The following PDE4B variants were observed in gnomAD, a reference collection of about 807,000 sequenced individuals.
PDE4B encodes the protein phosphodiesterase 4B.
In PDE4B, 20 loss-of-function variants were observed where a neutral mutation model predicts 82.2. That is an observed-to-expected ratio of 0.24 (90% CI 0.17 to 0.35). The LOEUF is 0.35. Ranked by LOEUF, PDE4B falls within the 10% of genes least tolerant of loss-of-function variation. PDE4B has a pLI of 1.00. For synonymous variants in PDE4B, 320 were observed against 318.9 expected (o/e 1.00, Z -0.04); for missense variants, 655 against 907.2 (o/e 0.72, Z 3.57).
chr1:66,031,294 T>C (rs1447839245), intron 3 of PDE4B, among the ~76,000 whole-genome samples: 2 of 152,174 alleles, frequency 1.3e-5, no homozygotes, highest in Non-Finnish European at 2.9e-5. Flanking sequence ...ATATTCTTTC[T>C]TTTTATTCTC....
chr1:65,996,491 GAA>G (rs923031384), intron 3 of PDE4B, among the ~76,000 whole-genome samples: 1 of 151,606 alleles, frequency 6.6e-6, no homozygotes, highest in African/African-American at 2.4e-5. Flanking sequence ...AGCAAGAAGA[GAA>G]AAAAAATCTG....
chr1:66,060,431 C>T (rs1301041849), intron 3 of PDE4B, among the ~76,000 whole-genome samples: 1 of 152,046 alleles, frequency 6.6e-6, no homozygotes, highest in African/African-American at 2.4e-5. Context: ...ATGTGCTTTC[C>T]AATGTGGTAG....
chr1:65,829,168 A>G (rs971430088), intron 1 of PDE4B, among the ~76,000 whole-genome samples: 1 of 152,214 alleles, frequency 6.6e-6, no homozygotes, highest in African/African-American at 2.4e-5. Context: ...GGATAACTAT[A>G]TTAACTTTAA....
At chr1:66,183,220 C>T (rs524897) in intron 3 of PDE4B, among the ~76,000 whole-genome samples, 34,700 of 152,008 alleles carry the variant, frequency 0.23, 4,014 homozygotes, top group African/African-American at 0.26. Flanking sequence ...AGTAGAATTA[C>T]AGTGTTTTCC....
chr1:65,954,086 G>A lies in PDE4B; in HGVS notation c.281+35251G>A, dbSNP rs1394746808. Among the ~76,000 whole-genome samples the A allele has an allele frequency of 3.3e-5, 5 of 152,024 alleles. No individual in the cohort carries two copies. In the East Asian group the frequency reaches 7.8e-4, roughly 24 times the overall value. On this transcript the variant is annotated intron_variant, in intron 3 of 16. Coordinates refer to ENST00000341517, the MANE Select transcript of PDE4B (RefSeq NM_002600.4). ...TTATTTTTGTATTTTTAGTAGATAC[G>A]GGGTTTCATCATGTTGGCCAGGCTG...
At chr1:65,821,566 A>G (rs1172965005) in intron 1 of PDE4B, among the ~76,000 whole-genome samples, 1 of 152,172 alleles carries the variant, frequency 6.6e-6, no homozygotes, top group Non-Finnish European at 1.5e-5. Context: ...TGCTTTATCC[A>G]GTTACTTGTG....
intron 3 of PDE4B, among the ~76,000 whole-genome samples, chr1:65,941,828 A>C (rs1055856647): frequency 2.0e-5 from 3 of 152,044 alleles, no homozygotes; most frequent in African/African-American, 7.2e-5. Flanking sequence ...CATCATGCAC[A>C]ATAGATCTCT....
chr1:66,201,503 T>A (rs941270535), intron 3 of PDE4B, among the ~76,000 whole-genome samples: 22 of 151,984 alleles, frequency 1.4e-4, no homozygotes, highest in Middle Eastern at 3.2e-3. Context: ...GTAAGCTATT[T>A]TTATTGCCAC....
intron 3 of PDE4B, among the ~76,000 whole-genome samples, chr1:66,002,685 G>T (rs1651930087): frequency 6.6e-6 from 1 of 151,904 alleles, no homozygotes; most frequent in East Asian, 1.9e-4. Context: ...TATTTTTCAT[G>T]GTGAATCTTT....
chr1:65,832,342 T>TA (rs1436395752), intron 1 of PDE4B, among the ~76,000 whole-genome samples: 3 of 152,058 alleles, frequency 2.0e-5, no homozygotes, highest in South Asian at 2.1e-4. Context: ...TGGCTAAAGA[T>TA]AAAAAAAATG....
chr1:65,966,050 C>A (rs1304101402), intron 3 of PDE4B, among the ~76,000 whole-genome samples: 1 of 152,034 alleles, frequency 6.6e-6, no homozygotes, highest in Non-Finnish European at 1.5e-5. Context: ...CTGGCCAGGG[C>A]AATCAGGCAA....
At position 66,361,648 on chromosome 1, in the gene PDE4B, C is replaced by T; in HGVS notation, c.875C>T (p.Thr292Ile). 1.2e-6 allele frequency: 2 copies of T among 1,613,180 alleles called. No individual in the cohort carries two copies. Among genetic ancestry groups the T allele is most frequent in the Non-Finnish European group, 1.7e-6 (2 of 1,179,418 alleles). ...KQNDVEIPSPTQKDREKKKKQ... is the reference protein window; with the variant it reads ...KQNDVEIPSPIQKDREKKKKQ... ...AATGATGTGGAGATCCCATCTCCTACCCAGAAAGACAGGGAGAAAAAGAAA... is the reference window on the plus strand; with the variant it reads ...AATGATGTGGAGATCCCATCTCCTATCCAGAAAGACAGGGAGAAAAAGAAA... Residue 292 changes from threonine to isoleucine, a missense_variant, in exon 10 of 17, where the codon ACC (threonine) becomes ATC (isoleucine). Physicochemically the swap from Thr to Ile is moderately conservative, Grantham distance 89 (BLOSUM62 -1). This residue lies in a region of PDE4B where 283 missense variants were observed against 516.4 expected (regional missense o/e 0.55). Transcript: ENST00000341517.
chr1:66,364,080 T>A (rs547125924), intron 12 of PDE4B, among the ~76,000 whole-genome samples: 1 of 152,290 alleles, frequency 6.6e-6, no homozygotes, highest in South Asian at 2.1e-4. Flanking sequence ...TATCTCAAAA[T>A]ATCTTGTTCA....
At chr1:66,342,548 TAA>T (rs374881888) in intron 8 of PDE4B, among the ~76,000 whole-genome samples, 9 of 96,512 alleles carry the variant, frequency 9.3e-5, no homozygotes, top group Admixed American at 2.1e-4. Context: ...TGTCTCTAAT[TAA>T]AAAAAAAAAA....
At chr1:66,159,859 G>A (rs1270000136) in intron 3 of PDE4B, among the ~76,000 whole-genome samples, 1 of 152,130 alleles carries the variant, frequency 6.6e-6, no homozygotes, top group Non-Finnish European at 1.5e-5. Flanking sequence ...CCTACTGTGT[G>A]CCCAGCATTT....
At chr1:66,313,068 C>G (rs1422848433) in intron 7 of PDE4B, among the ~76,000 whole-genome samples, 3 of 152,216 alleles carry the variant, frequency 2.0e-5, no homozygotes, top group Admixed American at 6.5e-5. Flanking sequence ...CCTCCTCTAT[C>G]ATCAATTACC....
intron 3 of PDE4B, among the ~76,000 whole-genome samples, chr1:66,077,891 A>C (rs1357363458): frequency 6.6e-6 from 1 of 152,178 alleles, no homozygotes; most frequent in African/African-American, 2.4e-5. Flanking sequence ...AATCATACCC[A>C]ACCTCTTCAA....
chr1:66,235,480 G>A (rs1333789240), intron 3 of PDE4B, among the ~76,000 whole-genome samples: 3 of 151,692 alleles, frequency 2.0e-5, no homozygotes, highest in Non-Finnish European at 4.4e-5. Flanking sequence ...TCTTAACTCT[G>A]GAATCTACTT....
At chr1:66,293,856 T>C (rs1222691290) in intron 7 of PDE4B, among the ~76,000 whole-genome samples, 1 of 152,190 alleles carries the variant, frequency 6.6e-6, no homozygotes, top group Non-Finnish European at 1.5e-5. Flanking sequence ...TTCTCAACCA[T>C]ATAAAACTGG....
Sources: gnomAD v4.1 joint callset for allele counts (sites outside exome capture counted in the v4.1 genomes callset) on GRCh38, gnomAD v4.1.1 for gene constraint, gnomAD v4.1.1 regional missense constraint, MANE v1.5 for transcripts, NCBI Gene and HGNC (gene_info 2026-07-23, HGNC 2026-07-21) for gene names.